EPHA3: variants seen among roughly 807,000 people sequenced by gnomAD.
EPHA3 encodes ephrin type-A receptor 3.
In EPHA3, 42 loss-of-function variants were observed where a neutral mutation model predicts 107.1. The observed-to-expected ratio is 0.39, with a 90% CI of 0.31 to 0.51. The LOEUF (loss-of-function observed/expected upper bound fraction) is 0.51. Among genes scored for constraint, EPHA3 ranks in the 20% least tolerant of loss-of-function variants. EPHA3 has a pLI of 0.78. For synonymous variants in EPHA3, 461 were observed against 424.8 expected (o/e 1.09, Z -1.05); for missense variants, 1,183 against 1,211.2 (o/e 0.98, Z 0.35).
rs998326848 is a variant in EPHA3, at chr3:89,235,618, GA to G, written c.814+25106del. The stretch of plus-strand genomic sequence containing the variant: ...ATTCTACAATGTGTAGATAAATTTA[GA>G]AAAAAAAGAGTATATTTTCAATATA... On this transcript the variant is annotated intron_variant, in intron 3 of 16. Transcript: ENST00000336596. Among the ~76,000 whole-genome samples the G allele has an allele frequency of 5.3e-5, 8 of 150,750 alleles. No individual in the cohort carries two copies. In the South Asian group the frequency reaches 6.3e-4, roughly 12 times the overall value.
intron 5 of EPHA3, among the ~76,000 whole-genome samples, chr3:89,392,822 C>T (rs1343449381): frequency 6.6e-6 from 1 of 152,048 alleles, no homozygotes; most frequent in East Asian, 1.9e-4. Flanking sequence ...ATTTGTATCA[C>T]TTTCTCATTA....
chr3:89,146,285 G>T (rs1472457766), intron 2 of EPHA3, among the ~76,000 whole-genome samples: 3 of 151,742 alleles, frequency 2.0e-5, no homozygotes, highest in African/African-American at 7.3e-5. Context: ...CATGGCTTGT[G>T]TTCAAATAAA....
chr3:89,300,989 G>T (rs1706474283), intron 3 of EPHA3, among the ~76,000 whole-genome samples: 1 of 152,044 alleles, frequency 6.6e-6, no homozygotes, highest in South Asian at 2.1e-4. Flanking sequence ...CAGCACTTTT[G>T]TCTCCCTGAC....
chr3:89,287,034 T>A (rs1706103797), intron 3 of EPHA3, among the ~76,000 whole-genome samples: 1 of 152,204 alleles, frequency 6.6e-6, no homozygotes, highest in Non-Finnish European at 1.5e-5. Context: ...TATCTTTTCA[T>A]AGAACCTGAC....
At chr3:89,271,492 C>G (rs116107368) in intron 3 of EPHA3, among the ~76,000 whole-genome samples, 2 of 151,822 alleles carry the variant, frequency 1.3e-5, no homozygotes, top group Non-Finnish European at 2.9e-5. Context: ...CTTTCTCTCA[C>G]CTTTAGTGTT....
At chr3:89,152,643 G>A (rs1309358811) in intron 2 of EPHA3, among the ~76,000 whole-genome samples, 1 of 151,990 alleles carries the variant, frequency 6.6e-6, no homozygotes, top group African/African-American at 2.4e-5. Flanking sequence ...AAAAGAACGT[G>A]CTTACATTTT....
intron 5 of EPHA3, among the ~76,000 whole-genome samples, chr3:89,356,450 A>G: frequency 6.6e-6 from 1 of 151,128 alleles, no homozygotes; most frequent in Non-Finnish European, 1.5e-5. Context: ...AGTCCCACCA[A>G]CAGTGTAAAA....
chr3:89,457,865 G>T (rs1439164316), intron 15 of EPHA3, among the ~76,000 whole-genome samples: 2 of 152,194 alleles, frequency 1.3e-5, no homozygotes, highest in Admixed American at 6.5e-5. Flanking sequence ...TAGACAGTGT[G>T]TGAATTCAAT....
chr3:89,262,092 A>C (rs2107282214), intron 3 of EPHA3, among the ~76,000 whole-genome samples: 1 of 152,240 alleles, frequency 6.6e-6, no homozygotes. Context: ...ATAATATTAT[A>C]ACTACTATCA....
chr3:89,281,933 T>G (rs1413421276), intron 3 of EPHA3, among the ~76,000 whole-genome samples: 1 of 152,240 alleles, frequency 6.6e-6, no homozygotes, highest in Non-Finnish European at 1.5e-5. Flanking sequence ...CACCTATTTT[T>G]AACAGTGTCT....
chr3:89,397,338 T>A (rs1203859814), intron 6 of EPHA3, among the ~76,000 whole-genome samples: 1 of 152,128 alleles, frequency 6.6e-6, no homozygotes, highest in African/African-American at 2.4e-5. Flanking sequence ...TTTTCAGAAG[T>A]GTGACAAGAT....
intron 3 of EPHA3, among the ~76,000 whole-genome samples, chr3:89,324,270 C>T (rs913235419): frequency 8.0e-5 from 12 of 150,158 alleles, no homozygotes; most frequent in African/African-American, 2.7e-4. Context: ...CAGGTTGAAG[C>T]GATTCTCATG....
chr3:89,146,954 A>G (rs1704571800), intron 2 of EPHA3, among the ~76,000 whole-genome samples: 1 of 151,942 alleles, frequency 6.6e-6, no homozygotes, highest in African/African-American at 2.4e-5. Context: ...CATCAATGAT[A>G]GACTGGATAA....
intron 1 of EPHA3, 42 bp downstream of exon 1, chr3:89,107,878 G>T (rs1287551462): frequency 1.9e-6 from 3 of 1,586,482 alleles, no homozygotes; most frequent in Non-Finnish European, 2.6e-6. Flanking sequence ...GCCCCGCGGG[G>T]CTCACGCTCT....
At chr3:89,144,442 T>C (rs554134052) in intron 2 of EPHA3, among the ~76,000 whole-genome samples, 6 of 151,904 alleles carry the variant, frequency 3.9e-5, no homozygotes, top group African/African-American at 1.4e-4. Context: ...AAGAAGCCTC[T>C]GTCCTTGTGT....
chr3:89,146,817 G>A (rs1704568640), intron 2 of EPHA3, among the ~76,000 whole-genome samples: 1 of 151,828 alleles, frequency 6.6e-6, no homozygotes, highest in South Asian at 2.1e-4. Context: ...GTTAATTTTT[G>A]TACAAGGTAT....
At chr3:89,302,232 C>G (rs1706509368) in intron 3 of EPHA3, among the ~76,000 whole-genome samples, 1 of 152,156 alleles carries the variant, frequency 6.6e-6, no homozygotes, top group South Asian at 2.1e-4. Context: ...CAATCATATT[C>G]ATATTGTATC....
At chr3:89,365,302 T>A (rs562321966) in intron 5 of EPHA3, among the ~76,000 whole-genome samples, 1 of 150,306 alleles carries the variant, frequency 6.7e-6, no homozygotes, top group East Asian at 2.0e-4. Flanking sequence ...TGAGGCAGAG[T>A]AGAGGGGAAG....
intron 3 of EPHA3, among the ~76,000 whole-genome samples, chr3:89,247,522 GT>G (rs1705064670): frequency 6.6e-6 from 1 of 152,114 alleles, no homozygotes; most frequent in African/African-American, 2.4e-5. Flanking sequence ...ATTGTGATGG[GT>G]TTATCTAGAC....
Sources: gnomAD v4.1 joint callset for allele counts (sites outside exome capture counted in the v4.1 genomes callset) on GRCh38, gnomAD v4.1.1 for gene constraint, MANE v1.5 for transcripts, NCBI Gene and HGNC (gene_info 2026-07-23, HGNC 2026-07-21) for gene names.